The following ESPN variants were observed in gnomAD, a reference collection of about 807,000 sequenced individuals.
The protein encoded by ESPN is espin, also known as autosomal recessive deafness type 36 protein.
Under a neutral mutation model 77.7 loss-of-function variants are expected in ESPN, and 68 were observed. The ratio of observed to expected loss-of-function variants is 0.87; its 90% CI spans 0.72 to 1.07. The LOEUF (loss-of-function observed/expected upper bound fraction) is 1.07, where lower values mean the gene tolerates loss of function less well. Among genes scored for constraint, ESPN ranks in the 50% least tolerant of loss-of-function variants. The pLI, the probability that ESPN is intolerant of heterozygous loss-of-function variation, is 0.00. For missense variants in ESPN, 1,060 were observed against 1,239.0 expected, an observed-to-expected ratio of 0.86 and a Z score of 2.17; for synonymous variants, 449 against 567.1, an observed-to-expected ratio of 0.79 and a Z score of 2.96.
intron 5 of ESPN, among the ~76,000 whole-genome samples, chr1:6,442,854 C>G (rs1270332720): frequency 3.8e-5 from 3 of 79,224 alleles, no homozygotes; most frequent in African/African-American, 1.6e-4. Flanking sequence ...GGTGACAGAG[C>G]AAGACGCTGT....
intron 2 of ESPN, among the ~76,000 whole-genome samples, chr1:6,439,429 G>A (rs1643541985): frequency 6.6e-6 from 1 of 152,192 alleles, no homozygotes; most frequent in South Asian, 2.1e-4. Flanking sequence ...CAGTCTTCTG[G>A]GGGAGGCAAA....
rs1471421648 is a variant in ESPN, at chr1:6,427,631, C to A, written c.295-595C>A. On this transcript the variant is annotated intron_variant, in intron 1 of 12. Coordinates refer to ENST00000645284, the MANE Select transcript of ESPN (RefSeq NM_031475.3). The surrounding 1 kb of genome is among the most constrained non-coding windows in gnomAD (Gnocchi z 4.6). Reference sequence around the variant, plus strand: ...GGCTGCTCCTGTGGCTGGGCACTGGCGAGTCTGCTGGGGGAGGGGCCGGTT... The same window carrying A: ...GGCTGCTCCTGTGGCTGGGCACTGGAGAGTCTGCTGGGGGAGGGGCCGGTT... Among the ~76,000 whole-genome samples the A allele has an allele frequency of 6.6e-6, 1 of 152,190 alleles. No homozygotes were observed. Among genetic ancestry groups the A allele is most frequent in the Non-Finnish European group, 1.5e-5 (1 of 68,044 alleles).
rs1461772779 is a variant in ESPN at position 6,427,349 on chromosome 1, C to T, written c.295-877C>T. Among the ~76,000 whole-genome samples, 2 of 152,130 alleles carry T rather than the reference C, an allele frequency of 1.3e-5. No individual in the cohort carries two copies. Among genetic ancestry groups the T allele is most frequent in the Non-Finnish European group, 2.9e-5 (2 of 68,020 alleles). On this transcript the variant is annotated intron_variant, in intron 1 of 12. Transcript: ENST00000645284. The surrounding 1 kb of genome is among the most constrained non-coding windows in gnomAD (Gnocchi z 4.6). ...TGTCTAGATGTTCCCGGGAATTCTC[C>T]TCCCAGCACAGGTCCTGTAAGCACT...
In ESPN at chr1:6,450,982, G is replaced by A. The variant is rs1643933817; in HGVS notation, c.1916-621G>A. Among the ~76,000 whole-genome samples the A allele has an allele frequency of 6.6e-6, 1 of 152,180 alleles. No homozygotes were observed. The highest frequency in any genetic ancestry group is 2.4e-5 in the African/African-American group (1 of 41,442). ...GGTGCCTCCCGTAGCCTTAGTAAGG[G>A]CTCTGCTTTCCTGGGCCCCTAGAGC... is the stretch of plus-strand genomic sequence containing the variant. On this transcript the variant is annotated intron_variant, in intron 8 of 12. Coordinates refer to ENST00000645284, the MANE Select transcript of ESPN (RefSeq NM_031475.3). This position sits in a 1 kb window ranked among gnomAD's most constrained non-coding sequence, Gnocchi z 4.3.
In ESPN at chr1:6,447,165, C is replaced by G. The variant is rs7537372; in HGVS notation, c.1464+1230C>G. On this transcript the variant is annotated intron_variant, in intron 7 of 12. Transcript: ENST00000645284. This position sits in a 1 kb window ranked among gnomAD's most constrained non-coding sequence, Gnocchi z 5.2. ...CCCCCTCCCGGCTGTGTGCGTCCCTCCGGGCTGTGTGCGCCCCTCCCGGCT... is the reference window on the plus strand; with the variant it reads ...CCCCCTCCCGGCTGTGTGCGTCCCTGCGGGCTGTGTGCGCCCCTCCCGGCT... Among the ~76,000 whole-genome samples the G allele has an allele frequency of 0.13, 19,753 of 151,616 alleles. 2,192 individuals carry two copies. The highest frequency in any genetic ancestry group is 0.31 in the African/African-American group (12,540 of 40,966).
In ESPN at chr1:6,425,169, A is replaced by T; in HGVS notation, c.214A>T (p.Thr72Ser). The T allele has an allele frequency of 1.3e-6, 2 of 1,531,192 alleles. No individual in the cohort carries two copies. Among genetic ancestry groups the T allele is most frequent in the Non-Finnish European group, 1.7e-6 (2 of 1,145,622 alleles). The allele number at this position is 1,531,192 out of a possible 1,614,324, so 94.9% of individuals were successfully genotyped here. The change falls in exon 1 of 13, where the codon ACA (threonine) becomes TCA (serine). Residue 72 changes from threonine to serine, a missense_variant. Physicochemically the swap from Thr to Ser is moderately conservative, Grantham distance 58. This residue lies in a region of ESPN where 556 missense variants were observed against 633.6 expected (regional missense o/e 0.88). Coordinates refer to ENST00000645284, the MANE Select transcript of ESPN (RefSeq NM_031475.3). ...PAAARARNGATPAHDASATGH... is the reference protein window; with the variant it reads ...PAAARARNGASPAHDASATGH... ...CGCGGCCCGCGCCCGCAACGGCGCC[A>T]CACCGGCCCACGACGCCTCCGCCAC...
chr1:6,459,268 G>A (rs1184377100), intron 12 of ESPN, among the ~76,000 whole-genome samples: 4 of 151,358 alleles, frequency 2.6e-5, no homozygotes, highest in African/African-American at 9.7e-5. Flanking sequence ...ATAGCTGGGC[G>A]TAGTGGCACA....
chr1:6,458,264 C>T (rs1209544379), intron 12 of ESPN, among the ~76,000 whole-genome samples: 3 of 152,014 alleles, frequency 2.0e-5, no homozygotes, highest in Non-Finnish European at 2.9e-5. Context: ...GCGATCCACC[C>T]GCCTCGGCCT....
chr1:6,425,175 GC>G lies in ESPN; in HGVS notation c.223del (p.His75ThrfsTer46). 6.5e-7 allele frequency: 1 copy of G among 1,534,756 alleles called. No homozygotes were observed. The highest frequency in any genetic ancestry group is 8.7e-7 in the Non-Finnish European group (1 of 1,147,194). ...CCGCGCCCGCAACGGCGCCACACCG[GC>G]CCACGACGCCTCCGCCACCGGCCAC... ...AARARNGATPAHDASATGHLA... is the reference protein window; with the variant it reads ...AARARNGATPXHDASATGHLA... On this transcript the variant is annotated frameshift_variant, in exon 1 of 13. Coordinates refer to ENST00000645284, the MANE Select transcript of ESPN (RefSeq NM_031475.3). LOFTEE classifies it high-confidence loss of function.
chr1:6,454,389 G>A (rs897387382), intron 10 of ESPN: 3 of 398,770 alleles, frequency 7.5e-6, no homozygotes, highest in Non-Finnish European at 1.3e-5. Flanking sequence ...AGCTAGGCCA[G>A]AGGGAGACGC....
At chr1:6,459,408 A>G (rs1644115123) in intron 12 of ESPN, among the ~76,000 whole-genome samples, 1 of 151,866 alleles carries the variant, frequency 6.6e-6, no homozygotes, top group Admixed American at 6.6e-5. Flanking sequence ...CCTGACTCAA[A>G]TAATAATAAA....
At chr1:6,445,481 G>A (rs1052579464) in intron 6 of ESPN, 183 bp from the exon 7 acceptor site, 1 of 694,896 alleles carries the variant, frequency 1.4e-6, no homozygotes, top group South Asian at 1.7e-5. Flanking sequence ...GTGCTGGGCT[G>A]GGGCAGGGTA....
At position 6,451,818 on chromosome 1, in the gene ESPN, C is replaced by G; in HGVS notation, c.2062-15C>G. 1 of 1,610,820 alleles carries G rather than the reference C, an allele frequency of 6.2e-7. No homozygotes were observed. Among genetic ancestry groups the G allele is most frequent in the Non-Finnish European group, 8.5e-7 (1 of 1,179,176 alleles). Reference sequence around the variant, plus strand: ...TAGGCCACCGGGCGCTCAGCCCCACCGCTTCTCCCTGCAGCCCGATTCGCC... The same window carrying G: ...TAGGCCACCGGGCGCTCAGCCCCACGGCTTCTCCCTGCAGCCCGATTCGCC... On this transcript the variant is annotated splice_polypyrimidine_tract_variant and intron_variant, in intron 9 of 12. Transcript: ENST00000645284. This position sits in a 1 kb window ranked among gnomAD's most constrained non-coding sequence, Gnocchi z 4.3.
chr1:6,425,445 G>A (rs1447500609), intron 1 of ESPN, among the ~76,000 whole-genome samples, 196 bp downstream of exon 1: 1 of 152,242 alleles, frequency 6.6e-6, no homozygotes, highest in Non-Finnish European at 1.5e-5. Context: ...ATGCCCTGGC[G>A]AGCCTGGGTG....
intron 6 of ESPN, 125 bp from the exon 7 acceptor site, chr1:6,445,539 A>C: frequency 9.5e-7 from 1 of 1,053,382 alleles, no homozygotes; most frequent in Non-Finnish European, 1.4e-6. Context: ...CAGCAGGTGT[A>C]CCAAGTGGTG....
At chr1:6,452,904 A>ATTTTTAT (rs1553169591) in intron 10 of ESPN, among the ~76,000 whole-genome samples, 11 of 150,872 alleles carry the variant, frequency 7.3e-5, no homozygotes, top group African/African-American at 2.7e-4. Flanking sequence ...TTTATTTTTT[A>ATTTTTAT]TTTTTTGAGA....
intron 6 of ESPN, 172 bp from the exon 7 acceptor site, chr1:6,445,492 G>A: frequency 1.4e-6 from 1 of 730,654 alleles, no homozygotes; most frequent in Non-Finnish European, 2.4e-6. Context: ...GGGCAGGGTA[G>A]GGCCAGGGAG....
At chr1:6,426,335 C>T (rs530319349) in intron 1 of ESPN, among the ~76,000 whole-genome samples, 2 of 152,352 alleles carry the variant, frequency 1.3e-5, no homozygotes, top group African/African-American at 2.4e-5. Context: ...CTCTTTTGGG[C>T]GGTGGCATGC....
At chr1:6,434,185 G>A (rs1643350316) in intron 2 of ESPN, among the ~76,000 whole-genome samples, 1 of 152,206 alleles carries the variant, frequency 6.6e-6, no homozygotes, top group African/African-American at 2.4e-5. Context: ...TTACAGGCAT[G>A]AGCCACTGCA....
Sources: allele counts gnomAD v4.1 joint callset (sites outside exome capture counted in the v4.1 genomes callset), GRCh38; gene constraint gnomAD v4.1.1; regional missense constraint gnomAD v4.1.1; non-coding constraint Gnocchi (gnomAD v3.1); transcripts MANE v1.5; gene names NCBI Gene and HGNC (gene_info 2026-07-23, HGNC 2026-07-21).